The following AP3M2 variants were observed in gnomAD, a reference collection of about 807,000 sequenced individuals.
The protein encoded by AP3M2 is AP-3 complex subunit mu-2.
A neutral mutation model predicts 41.6 loss-of-function variants in AP3M2; 28 were observed. The observed-to-expected ratio is 0.67, with a 90% confidence interval of 0.50 to 0.92. The LOEUF (loss-of-function observed/expected upper bound fraction) is 0.92. Among genes scored for constraint, AP3M2 ranks in the 40% least tolerant of loss-of-function variants. AP3M2 has a pLI of 0.00. For synonymous variants in AP3M2, 193 were observed against 186.4 expected (o/e 1.04, Z -0.29); for missense variants, 427 against 521.4 (o/e 0.82, Z 1.76).
rs762934642 is a variant in AP3M2 at position 42,165,129 on chromosome 8, C to A, written c.642C>A (p.Gly214=). 6 of 1,614,036 alleles carry A rather than the reference C, an allele frequency of 3.7e-6. No homozygotes were observed. Among genetic ancestry groups the A allele is most frequent in the Middle Eastern group, 1.6e-4 (1 of 6,062 alleles). Reference sequence around the variant, plus strand: ...TTGATGCCTGTGTCAAGCTGACTGGCATGCCAGACCTTACACTTTCCTTCA... The same window carrying A: ...TTGATGCCTGTGTCAAGCTGACTGGAATGCCAGACCTTACACTTTCCTTCA... ...GVIDACVKLT[G]MPDLTLSFMN... is the part of the protein sequence containing the mutation. The change falls in exon 5 of 9, where the codon GGC becomes GGA. Residue 214 remains glycine, a synonymous_variant. Coordinates refer to ENST00000396926, the MANE Select transcript of AP3M2 (RefSeq NM_006803.4).
intron 6 of AP3M2, 148 bp downstream of exon 6, chr8:42,165,708 T>G (rs1804622620): frequency 1.2e-6 from 1 of 837,350 alleles, no homozygotes; most frequent in Non-Finnish European, 1.8e-6. Context: ...CTCAGGTGAG[T>G]TGCTTAACCC....
chr8:42,165,537 G>C lies in AP3M2; in HGVS notation c.780G>C (p.Leu260=), dbSNP rs761463685. The change falls in exon 6 of 9, where the codon CTG becomes CTC. Residue 260 remains leucine, a synonymous_variant. Transcript: ENST00000396926. The part of the protein sequence containing the change: ...FIPPDGNFRL[L]SYHVSAQNLV... The stretch of plus-strand genomic sequence containing the variant: ...CTCCTGATGGAAACTTCCGCCTGCT[G>C]TCTTACCATGTCAGTGCACAGAAGT... The C allele has an allele frequency of 6.2e-7, 1 of 1,614,120 alleles. No individual in the cohort carries two copies. Among genetic ancestry groups the C allele is most frequent in the East Asian group, 2.2e-5 (1 of 44,886 alleles).
In AP3M2 at chr8:42,158,119, C is replaced by T. The variant is rs745589483; in HGVS notation, c.445+7C>T. The T allele has an allele frequency of 1.2e-6, 2 of 1,611,026 alleles. No individual in the cohort carries two copies. The highest frequency in any genetic ancestry group is 1.3e-5 in the African/African-American group (1 of 74,984). On this transcript the variant is annotated splice_region_variant and intron_variant, in intron 3 of 8. Transcript: ENST00000396926. ...GTTGTCAACACCATCACAGGTACGG[C>T]AGAGGGGGAAACTGATAGATAGTGG... is the stretch of plus-strand genomic sequence containing the variant.
chr8:42,162,547 G>A, intron 4 of AP3M2, 129 bp downstream of exon 4: 1 of 1,093,360 alleles, frequency 9.1e-7, no homozygotes, highest in Admixed American at 2.4e-5. Flanking sequence ...CTTTGTGCCA[G>A]GCACTGTGCT....
intron 8 of AP3M2, chr8:42,168,129 T>G: frequency 1.9e-6 from 1 of 518,346 alleles, no homozygotes; most frequent in Non-Finnish European, 3.7e-6. Flanking sequence ...AGGTTTTCAG[T>G]ATGAGAATCC....
In AP3M2 at chr8:42,171,179, C is replaced by G. The variant is rs1181115754; in HGVS notation, c.*2118C>G. Reference sequence around the variant, plus strand: ...TAAGTTTAATAAAGTTGAGTTTCACCAGTCTTCTATGTCCTAAGTGGTTTG... The same window carrying G: ...TAAGTTTAATAAAGTTGAGTTTCACGAGTCTTCTATGTCCTAAGTGGTTTG... On this transcript the variant is annotated 3_prime_UTR_variant, in exon 9 of 9. Transcript: ENST00000396926. 1 of 152,188 alleles carries G rather than the reference C, an allele frequency of 6.6e-6. No individual in the cohort carries two copies. The highest frequency in any genetic ancestry group is 1.9e-4 in the East Asian group (1 of 5,204). The allele number at this position is 152,188 out of a possible 1,614,324, so 9.4% of individuals were successfully genotyped here. A position where few individuals can be genotyped will look rare whatever the true frequency, so the allele number is the denominator to read the frequency against.
rs747610067 is a variant in AP3M2, at chr8:42,167,739, C to A, written c.1085C>A (p.Ala362Asp). 1.9e-6 allele frequency: 3 copies of A among 1,614,150 alleles called. No individual in the cohort carries two copies. Among genetic ancestry groups the A allele is most frequent in the Non-Finnish European group, 2.5e-6 (3 of 1,180,022 alleles). ...PSLKGTMSLQ[A>D]GASKPDENPT... ...TTGAAGGGGACCATGAGTCTTCAGG[C>A]TGGAGCTTCCAAACCAGATGAAAAC... is the stretch of plus-strand genomic sequence containing the variant. The change falls in exon 8 of 9, where the codon GCT (alanine) becomes GAT (aspartate). Residue 362 changes from alanine (A) to aspartate (D), a missense_variant. Ala to Asp is a moderately radical substitution (Grantham distance 126). Transcript: ENST00000396926.
In AP3M2 at chr8:42,157,951, G is replaced by T; in HGVS notation, c.284G>T (p.Gly95Val). The change falls in exon 3 of 9, where the codon GGA becomes GTA. Residue 95 changes from glycine to valine, a missense_variant. This residue lies in a region of AP3M2 where 86 missense variants were observed against 142.6 expected (regional missense o/e 0.60). Coordinates refer to ENST00000396926, the MANE Select transcript of AP3M2 (RefSeq NM_006803.4). Reference sequence around the variant, plus strand: ...TTCTGTCTCCATCAGGATTATTTTGGAGTCTGTTCAGAGCCAGTGATCAAA... The same window carrying T: ...TTCTGTCTCCATCAGGATTATTTTGTAGTCTGTTCAGAGCCAGTGATCAAA... Reference protein sequence around the residue: ...RVVDTFQDYFGVCSEPVIKDN... With the variant: ...RVVDTFQDYFVVCSEPVIKDN... 1 of 1,611,874 alleles carries T rather than the reference G, an allele frequency of 6.2e-7. No individual in the cohort carries two copies. The highest frequency in any genetic ancestry group is 1.1e-5 in the South Asian group (1 of 90,986).
At position 42,165,824 on chromosome 8, in the gene AP3M2, T is replaced by A. The variant is rs1339063016; in HGVS notation, c.803+264T>A. ...GTGCTTAACACAAAGAAGTGCTCAT[T>A]AAGTTTGCTGTTATTTTTGTTGTTA... On this transcript the variant is annotated intron_variant, in intron 6 of 8. Transcript: ENST00000396926. The A allele has an allele frequency of 1.1e-5, 4 of 355,220 alleles. No homozygotes were observed. In the Admixed American group the frequency reaches 1.8e-4, roughly 16 times the overall value. 22.0% of individuals were successfully genotyped at this position (355,220 alleles called of 1,614,324 possible).
chr8:42,155,346 G>GA (rs901531970), intron 2 of AP3M2, among the ~76,000 whole-genome samples: 2 of 152,134 alleles, frequency 1.3e-5, no homozygotes, highest in Non-Finnish European at 1.5e-5. Context: ...TTTTAGAAAA[G>GA]AAAAAGTAGA....
chr8:42,163,021 G>C (rs1431272693), intron 4 of AP3M2, among the ~76,000 whole-genome samples: 1 of 150,304 alleles, frequency 6.7e-6, no homozygotes, highest in Non-Finnish European at 1.5e-5. Context: ...AAAGTATTTG[G>C]CTCCCAGTTC....
chr8:42,156,160 A>G (rs1267382912), intron 2 of AP3M2: 3 of 374,088 alleles, frequency 8.0e-6, no homozygotes, highest in Non-Finnish European at 1.6e-5. Context: ...TCTGAGATTA[A>G]CAGTCGCACT....
At chr8:42,159,197 C>T (rs142772661) in intron 3 of AP3M2, among the ~76,000 whole-genome samples, 167 of 152,274 alleles carry the variant, frequency 1.1e-3, no homozygotes, top group African/African-American at 3.8e-3. Flanking sequence ...TTTTAAATAA[C>T]AAGGATTACC....
At chr8:42,164,248 G>A (rs34101330) in intron 4 of AP3M2, among the ~76,000 whole-genome samples, 33,529 of 152,178 alleles carry the variant, frequency 0.22, 4,569 homozygotes, top group Admixed American at 0.3. Flanking sequence ...CAGCAGGATA[G>A]ATGGTGCCAT....
At chr8:42,160,818 A>G (rs1441601391) in intron 3 of AP3M2, among the ~76,000 whole-genome samples, 1 of 152,162 alleles carries the variant, frequency 6.6e-6, no homozygotes, top group Non-Finnish European at 1.5e-5. Flanking sequence ...TTTGATTATT[A>G]TATCTTGATG....
At chr8:42,168,932 T>C in intron 8 of AP3M2, 29 bp from the exon 9 acceptor site, 1 of 1,529,386 alleles carries the variant, frequency 6.5e-7, no homozygotes. Flanking sequence ...AATACTCATG[T>C]CTATTTTCCC....
intron 2 of AP3M2, among the ~76,000 whole-genome samples, chr8:42,156,817 TATC>T (rs1418674716): frequency 6.6e-6 from 1 of 152,140 alleles, no homozygotes; most frequent in Admixed American, 6.6e-5. Flanking sequence ...AACCATACCT[TATC>T]ATGAACAGCG....
At chr8:42,157,635 A>ATG (rs66486722) in intron 2 of AP3M2, among the ~76,000 whole-genome samples, 4 of 44,254 alleles carry the variant, frequency 9.0e-5, no homozygotes, top group African/African-American at 4.6e-4. Context: ...TGATAAGCAC[A>ATG]TAATCAAGAT....
At chr8:42,156,165 C>A (rs147364554) in intron 2 of AP3M2, 19 of 363,016 alleles carry the variant, frequency 5.2e-5, no homozygotes, top group African/African-American at 3.0e-4. Context: ...GATTAACAGT[C>A]GCACTGGTGA....
Sources: allele counts gnomAD v4.1 joint callset (sites outside exome capture counted in the v4.1 genomes callset), GRCh38; gene constraint gnomAD v4.1.1; regional missense constraint gnomAD v4.1.1; transcripts MANE v1.5; gene names NCBI Gene and HGNC (gene_info 2026-07-23, HGNC 2026-07-21).